Variants in USP31 observed in about 807,000 individuals in gnomAD.
The protein encoded by USP31 is ubiquitin carboxyl-terminal hydrolase 31.
Under a neutral mutation model 119.4 loss-of-function variants are expected in USP31, and 44 were observed. The ratio of observed to expected loss-of-function variants is 0.37; its 90% CI spans 0.29 to 0.47. USP31 has a LOEUF of 0.47. USP31 is among the 20% of genes least tolerant of loss of function. The pLI, the probability that USP31 is intolerant of heterozygous loss-of-function variation, is 0.99. For missense variants in USP31, 1,643 were observed against 1,730.2 expected (o/e 0.95, Z 0.89); for synonymous variants, 749 against 705.6 (o/e 1.06, Z -0.97).
At position 23,082,401 on chromosome 16, in the gene USP31, C is replaced by A. The variant is rs777425036; in HGVS notation, c.1950+37G>T. 9.3e-6 allele frequency: 15 copies of A among 1,610,860 alleles called. No homozygotes were observed. In the South Asian group the frequency reaches 1.4e-4, roughly 15 times the overall value. Reference sequence around the variant, plus strand: ...AGCAGGGGGCATAAGAAACTTGTCACAACTTGTTTGTTCCTGAGGATAAAG... The same window carrying A: ...AGCAGGGGGCATAAGAAACTTGTCAAAACTTGTTTGTTCCTGAGGATAAAG... On this transcript the variant is annotated intron_variant, in intron 12 of 15. Transcript: ENST00000219689.
At chr16:23,147,378 G>A (rs1184505341) in intron 1 of USP31, among the ~76,000 whole-genome samples, 1 of 152,112 alleles carries the variant, frequency 6.6e-6, no homozygotes, top group East Asian at 1.9e-4. Context: ...CAAAGTGCTA[G>A]GATTACAGGC....
At chr16:23,082,364 A>T in intron 12 of USP31, 74 bp downstream of exon 12, 1 of 1,586,534 alleles carries the variant, frequency 6.3e-7, no homozygotes, top group Non-Finnish European at 8.6e-7. Context: ...AAGAACCCTC[A>T]CAGAGCCCAT....
At chr16:23,084,532 A>G (rs1901007017) in intron 11 of USP31, among the ~76,000 whole-genome samples, 1 of 152,192 alleles carries the variant, frequency 6.6e-6, no homozygotes, top group Non-Finnish European at 1.5e-5. Context: ...CAAAAAGTCA[A>G]GAATCACTGT....
chr16:23,118,825 T>C lies in USP31; in HGVS notation c.634-10642A>G, dbSNP rs1902577380. 2.0e-5 allele frequency among the ~76,000 whole-genome samples: 3 copies of C among 152,118 alleles called. No individual in the cohort carries two copies. The South Asian group carries it at 6.2e-4, about 32-fold the overall frequency. The stretch of plus-strand genomic sequence containing the variant: ...TATTTTCTATAAAATTCACCCTTAA[T>C]GGCTGGGTGCAGTGGCTCATGCCTG... On this transcript the variant is annotated intron_variant, in intron 1 of 15. Transcript: ENST00000219689.
intron 11 of USP31, among the ~76,000 whole-genome samples, chr16:23,084,497 G>A (rs1490118050): frequency 1.3e-5 from 2 of 151,830 alleles, no homozygotes; most frequent in Admixed American, 1.3e-4. Context: ...ATTTAAATAG[G>A]TCCTGGCACT....
intron 6 of USP31, among the ~76,000 whole-genome samples, chr16:23,097,327 C>T (rs777408183): frequency 2.8e-4 from 43 of 152,138 alleles, no homozygotes; most frequent in Non-Finnish European, 5.1e-4. Flanking sequence ...CAATAACAGG[C>T]TCTGAAATTG....
intron 9 of USP31, among the ~76,000 whole-genome samples, chr16:23,086,860 G>A (rs1460514812): frequency 6.6e-6 from 1 of 152,104 alleles, no homozygotes. Context: ...ACAGTCCTAG[G>A]ACATACGTTA....
At chr16:23,106,922 G>A (rs1046740811) in intron 2 of USP31, among the ~76,000 whole-genome samples, 4 of 152,108 alleles carry the variant, frequency 2.6e-5, no homozygotes, top group African/African-American at 9.7e-5. Context: ...AGACCAGCCT[G>A]ACCAACATGG....
At chr16:23,142,025 C>A (rs1195961430) in intron 1 of USP31, among the ~76,000 whole-genome samples, 1 of 152,216 alleles carries the variant, frequency 6.6e-6, no homozygotes, top group Non-Finnish European at 1.5e-5. Context: ...CAGCTAAGTT[C>A]TCTGACGGCA....
At chr16:23,098,788 G>C (rs1308081056) in intron 6 of USP31, among the ~76,000 whole-genome samples, 1 of 152,136 alleles carries the variant, frequency 6.6e-6, no homozygotes. Context: ...GCTGAAACTG[G>C]ATCTCTTCCT....
At chr16:23,117,751 C>CTTTTTTTTTT (rs67615111) in intron 1 of USP31, among the ~76,000 whole-genome samples, 7 of 141,594 alleles carry the variant, frequency 4.9e-5, no homozygotes, top group African/African-American at 1.0e-4. Flanking sequence ...TTTTCCTTTT[C>CTTTTTTTTTT]TTTTTTTTTT....
At chr16:23,095,000 ATGACTT>A (rs1901538498) in intron 6 of USP31, among the ~76,000 whole-genome samples, 1 of 152,238 alleles carries the variant, frequency 6.6e-6, no homozygotes, top group Non-Finnish European at 1.5e-5. Flanking sequence ...TGGATGGAGA[ATGACTT>A]TGATGAGTTG....
At chr16:23,145,873 G>A (rs1429206709) in intron 1 of USP31, among the ~76,000 whole-genome samples, 1 of 152,198 alleles carries the variant, frequency 6.6e-6, no homozygotes, top group African/African-American at 2.4e-5. Context: ...GATTAAGTAA[G>A]CCTTCAATAA....
At chr16:23,087,576 C>A in intron 8 of USP31, 148 bp downstream of exon 8, 1 of 688,630 alleles carries the variant, frequency 1.5e-6, no homozygotes, top group Non-Finnish European at 2.4e-6. Flanking sequence ...TCAAGGAAAA[C>A]CTTGCAGTGG....
intron 11 of USP31, among the ~76,000 whole-genome samples, chr16:23,083,700 G>GGGA (rs1900948294): frequency 1.7e-5 from 2 of 119,338 alleles, no homozygotes; most frequent in Non-Finnish European, 3.5e-5. Flanking sequence ...CCTGGCGGGG[G>GGGA]GGGGGGGGGG....
intron 7 of USP31, 139 bp downstream of exon 7, chr16:23,090,485 G>T: frequency 1.1e-6 from 1 of 888,122 alleles, no homozygotes; most frequent in Non-Finnish European, 1.6e-6. Context: ...AGGTCAACTT[G>T]TACATGTATT....
intron 1 of USP31, among the ~76,000 whole-genome samples, chr16:23,130,526 T>C (rs981384741): frequency 6.6e-6 from 1 of 152,078 alleles, no homozygotes; most frequent in African/African-American, 2.4e-5. Context: ...TGCAATTGTG[T>C]GACTGAGACA....
intron 2 of USP31, among the ~76,000 whole-genome samples, chr16:23,107,802 T>C (rs370799816): frequency 3.3e-5 from 5 of 152,228 alleles, no homozygotes; most frequent in African/African-American, 9.6e-5. Context: ...CTGAAGCTCA[T>C]CATACATGCA....
intron 9 of USP31, 22 bp from the exon 10 acceptor site, chr16:23,085,684 G>C: frequency 6.3e-7 from 1 of 1,576,814 alleles, no homozygotes; most frequent in South Asian, 1.1e-5. Flanking sequence ...GGGAAGTGGA[G>C]AGGGAAGCCA....
Sources: gnomAD v4.1 joint callset for allele counts (sites outside exome capture counted in the v4.1 genomes callset) on GRCh38, gnomAD v4.1.1 for gene constraint, MANE v1.5 for transcripts, NCBI Gene and HGNC (gene_info 2026-07-23, HGNC 2026-07-21) for gene names.